EBPL: variants seen among roughly 807,000 people sequenced by gnomAD.
EBPL encodes the protein EBP like.
Under a neutral mutation model 19.0 loss-of-function variants are expected in EBPL, and 20 were observed. That is an observed-to-expected ratio of 1.05 (90% CI 0.74 to 1.53). The LOEUF is 1.53. Ranked by LOEUF, EBPL falls within the 40% of genes most tolerant of loss-of-function variation. The pLI is 0.00. For synonymous variants in EBPL, 107 were observed against 117.0 expected (o/e 0.91, Z 0.55); for missense variants, 219 against 261.1 (o/e 0.84, Z 1.11).
intron 1 of EBPL, among the ~76,000 whole-genome samples, chr13:49,673,962 TACAC>T (rs56323070): frequency 0.12 from 16,528 of 143,298 alleles, 1,154 homozygotes; most frequent in African/African-American, 0.2. Context: ...TGGAACTTAA[TACAC>T]ACACACACAC....
rs766166134 is a variant in EBPL at position 49,691,298 on chromosome 13, CCCCGCGGTCCGCCGCCCCCTG to C, written c.106_126del (p.Gln36_Gly42del). ...GCGTCGTAGCAGAGCCAGATGAGCG[CCCCGCGGTCCGCCGCCCCCTG>C]CCCGCGGCCCAGGCGCAGGCCCAGG... On this transcript the variant is annotated inframe_deletion, in exon 1 of 4. Transcript: ENST00000242827. 9.4e-6 allele frequency: 13 copies of C among 1,378,614 alleles called. No individual in the cohort carries two copies. The African/African-American group carries it at 1.3e-4, about 14-fold the overall frequency. The allele number at this position is 1,378,614 out of a possible 1,614,324, so 85.4% of individuals were successfully genotyped here.
chr13:49,683,486 A>C (rs61959936), intron 1 of EBPL, among the ~76,000 whole-genome samples: 1 of 151,680 alleles, frequency 6.6e-6, no homozygotes, highest in African/African-American at 2.4e-5. Flanking sequence ...AGCCGATCGC[A>C]CCACTGCACT....
At chr13:49,688,324 G>A (rs1239718025) in intron 1 of EBPL, among the ~76,000 whole-genome samples, 8 of 152,108 alleles carry the variant, frequency 5.3e-5, no homozygotes, top group African/African-American at 1.9e-4. Context: ...GGACATCTGG[G>A]AAATGAACTG....
At chr13:49,677,325 C>A (rs1170727289) in intron 1 of EBPL, among the ~76,000 whole-genome samples, 1 of 152,152 alleles carries the variant, frequency 6.6e-6, no homozygotes, top group Non-Finnish European at 1.5e-5. Context: ...TGCATCCCAC[C>A]CCAGGAAGGT....
chr13:49,680,021 T>C (rs2137504234), intron 1 of EBPL, among the ~76,000 whole-genome samples: 1 of 152,318 alleles, frequency 6.6e-6, no homozygotes, highest in South Asian at 2.1e-4. Flanking sequence ...AAGATGCATG[T>C]TGCTTACTGA....
chr13:49,678,816 A>T (rs1953909739), intron 1 of EBPL, among the ~76,000 whole-genome samples: 1 of 151,986 alleles, frequency 6.6e-6, no homozygotes, highest in Admixed American at 6.5e-5. Flanking sequence ...GAGGCCTGTT[A>T]GCACGTTGTC....
intron 1 of EBPL, among the ~76,000 whole-genome samples, chr13:49,673,307 TA>T (rs1286705747): frequency 6.6e-6 from 1 of 152,134 alleles, no homozygotes; most frequent in Non-Finnish European, 1.5e-5. Context: ...CCCAGAAAAA[TA>T]AAAACTTATC....
chr13:49,689,811 T>C (rs9591292), intron 1 of EBPL, among the ~76,000 whole-genome samples: 54,069 of 152,084 alleles, frequency 0.36, 10,065 homozygotes, highest in Non-Finnish European at 0.42. Context: ...TTTATCTCCC[T>C]TGTTCTGTGG....
intron 1 of EBPL, among the ~76,000 whole-genome samples, chr13:49,676,775 G>C (rs1188521464): frequency 6.6e-6 from 1 of 152,090 alleles, no homozygotes; most frequent in Non-Finnish European, 1.5e-5. Flanking sequence ...GGGCAAGGTT[G>C]ATTACATGCA....
At chr13:49,670,881 C>T (rs2137492027) in intron 1 of EBPL, among the ~76,000 whole-genome samples, 1 of 152,294 alleles carries the variant, frequency 6.6e-6, no homozygotes, top group South Asian at 2.1e-4. Flanking sequence ...ACCCTGTTCC[C>T]AACTCTCAAT....
intron 2 of EBPL, among the ~76,000 whole-genome samples, chr13:49,668,915 T>C (rs1953778469): frequency 6.6e-6 from 1 of 150,766 alleles, no homozygotes; most frequent in Admixed American, 6.6e-5. Context: ...AGTCTTGCTC[T>C]GTCACCCAGA....
chr13:49,686,731 T>C, intron 1 of EBPL: 2 of 819,466 alleles, frequency 2.4e-6, no homozygotes, highest in South Asian at 3.4e-5. Flanking sequence ...TTCCCAGCAC[T>C]CTCTCTTCTG....
At chr13:49,690,671 GGCACTGGAAA>G (rs1444863512) in intron 1 of EBPL, among the ~76,000 whole-genome samples, 1 of 152,154 alleles carries the variant, frequency 6.6e-6, no homozygotes, top group Non-Finnish European at 1.5e-5. Context: ...CCAGCTGTGT[GGCACTGGAAA>G]GTCACCTAAT....
intron 1 of EBPL, among the ~76,000 whole-genome samples, chr13:49,673,990 C>CACACACACACACACACA (rs1953848406): frequency 6.6e-6 from 1 of 150,658 alleles, no homozygotes; most frequent in Non-Finnish European, 1.5e-5. Context: ...CACACACACA[C>CACACACACACACACACA]ACCACACAAA....
chr13:49,663,262 T>A, intron 2 of EBPL, 67 bp from the exon 3 acceptor site: 1 of 1,581,146 alleles, frequency 6.3e-7, no homozygotes, highest in Non-Finnish European at 8.7e-7. Context: ...GGAAATGACC[T>A]TTCTTTCCTT....
intron 1 of EBPL, among the ~76,000 whole-genome samples, chr13:49,686,040 A>G (rs556399823): frequency 1.8e-4 from 28 of 152,332 alleles, no homozygotes; most frequent in African/African-American, 6.7e-4. Context: ...GGTGGGATGC[A>G]TGGAGAGCCA....
chr13:49,677,826 C>A (rs1953892601), intron 1 of EBPL, among the ~76,000 whole-genome samples: 1 of 152,176 alleles, frequency 6.6e-6, no homozygotes, highest in Admixed American at 6.5e-5. Context: ...CGTGGACCCT[C>A]GCGGTGAGTG....
rs948303832 is a variant in EBPL at position 49,691,458 on chromosome 13, A to G, written c.-34T>C. ...CTTCCGACGCCAACGGCCCAGGACC[A>G]TGCGGCAGAGGAAAGCAGGGAGAGA... On this transcript the variant is annotated 5_prime_UTR_variant, in exon 1 of 4. An upstream start codon of the reference 5' UTR is lost. Coordinates refer to ENST00000242827, the MANE Select transcript of EBPL (RefSeq NM_032565.5). 36 of 1,299,148 alleles carry G rather than the reference A, an allele frequency of 2.8e-5. No homozygotes were observed. Among genetic ancestry groups the G allele is most frequent in the Non-Finnish European group, 3.4e-5 (35 of 1,022,214 alleles). The allele number at this position is 1,299,148 out of a possible 1,614,324, so 80.5% of individuals were successfully genotyped here. A position where few individuals can be genotyped will look rare whatever the true frequency, so the allele number is the denominator to read the frequency against.
chr13:49,680,577 A>G (rs1449717356), intron 1 of EBPL, among the ~76,000 whole-genome samples: 1 of 152,200 alleles, frequency 6.6e-6, no homozygotes, highest in Non-Finnish European at 1.5e-5. Context: ...TAATCCCAGC[A>G]CTTTGGGAGG....
Sources: allele counts gnomAD v4.1 joint callset (sites outside exome capture counted in the v4.1 genomes callset), GRCh38; gene constraint gnomAD v4.1.1; transcripts MANE v1.5; gene names NCBI Gene and HGNC (gene_info 2026-07-23, HGNC 2026-07-21).